The following CASZ1 variants were observed in gnomAD, a reference collection of about 807,000 sequenced individuals.
CASZ1 encodes zinc finger protein castor homolog 1.
In CASZ1, 28 loss-of-function variants were observed where a neutral mutation model predicts 135.2. The ratio of observed to expected loss-of-function variants is 0.21; its 90% CI spans 0.15 to 0.28. The LOEUF (loss-of-function observed/expected upper bound fraction) is 0.28, where lower values mean the gene tolerates loss of function less well. CASZ1 is among the 10% of genes least tolerant of loss of function. The pLI is 1.00. For synonymous variants in CASZ1, 1,068 were observed against 1,073.4 expected, an observed-to-expected ratio of 0.99 and a Z score of 0.10; for missense variants, 2,161 against 2,453.3, an observed-to-expected ratio of 0.88 and a Z score of 2.52.
chr1:10,639,086 G>C lies in CASZ1; in HGVS notation c.5136C>G (p.Asp1712Glu). Residue 1712 changes from aspartate to glutamate, a missense_variant, in exon 21 of 21, where the codon GAC becomes GAG. By Grantham distance (45) the Asp-to-Glu change is conservative. This residue lies in a region of CASZ1 where 185 missense variants were observed against 134.7 expected (regional missense o/e 1.37). Coordinates refer to ENST00000377022, the MANE Select transcript of CASZ1 (RefSeq NM_001079843.3). The surrounding 1 kb of genome is among the most constrained non-coding windows in gnomAD (Gnocchi z 4.0). ...DDEDDDEDDD[D>E]EDLRTDSEES... ...CCTCCGAGTCGGTGCGCAGGTCCTCGTCGTCGTCGTCCTCGTCGTCGTCCT... is the reference window on the plus strand; with the variant it reads ...CCTCCGAGTCGGTGCGCAGGTCCTCCTCGTCGTCGTCCTCGTCGTCGTCCT... 1.9e-6 allele frequency: 2 copies of C among 1,048,806 alleles called. No individual in the cohort carries two copies. Among genetic ancestry groups the C allele is most frequent in the South Asian group, 2.5e-5 (1 of 39,326 alleles). 65.0% of individuals were successfully genotyped at this position (1,048,806 alleles called of 1,614,324 possible). A position where few individuals can be genotyped will look rare whatever the true frequency, so the allele number is the denominator to read the frequency against.
At chr1:10,674,083 A>T (rs78994278) in intron 4 of CASZ1, among the ~76,000 whole-genome samples, 1,735 of 152,354 alleles carry the variant, frequency 0.011, 22 homozygotes, top group East Asian at 0.04. Context: ...AGGTATCCTG[A>T]GGTGCCTGTA....
At position 10,649,051 on chromosome 1, in the gene CASZ1, C is replaced by T; in HGVS notation, c.3158+19G>A. 10 of 1,610,046 alleles carry T rather than the reference C, an allele frequency of 6.2e-6. No individual in the cohort carries two copies. Among genetic ancestry groups the T allele is most frequent in the Non-Finnish European group, 8.5e-6 (10 of 1,178,496 alleles). ...GATCCGTGGGGCTCTGTGGAAATGG[C>T]CCCCAGCACCCTACTCACTTTGCGT... On this transcript the variant is annotated intron_variant, in intron 15 of 20. Transcript: ENST00000377022.
chr1:10,687,276 C>T (rs887494732), intron 4 of CASZ1, among the ~76,000 whole-genome samples: 1 of 152,230 alleles, frequency 6.6e-6, no homozygotes, highest in Non-Finnish European at 1.5e-5. Context: ...AACATGTGTC[C>T]GTTTCCCAGC....
rs1427695911 is a variant in CASZ1 at position 10,647,925 on chromosome 1, T to C, written c.3373A>G (p.Thr1125Ala). The C allele has an allele frequency of 1.2e-6, 2 of 1,611,620 alleles. No individual in the cohort carries two copies. The highest frequency in any genetic ancestry group is 2.7e-5 in the African/African-American group (2 of 74,350). ...TLLAWKQLAS[T>A]IPQMPQIPAS... ...GGGATCTGAGGCATCTGGGGTATGG[T>C]GGAAGCCAGCTGCTTCCAGGCGAGC... The change falls in exon 16 of 21, where the codon ACC (threonine) becomes GCC (alanine). Residue 1125 changes from threonine to alanine, a missense_variant. Coordinates refer to ENST00000377022, the MANE Select transcript of CASZ1 (RefSeq NM_001079843.3). This position sits in a 1 kb window ranked among gnomAD's most constrained non-coding sequence, Gnocchi z 4.9.
chr1:10,685,249 G>A (rs772819241), intron 4 of CASZ1, among the ~76,000 whole-genome samples: 1 of 152,222 alleles, frequency 6.6e-6, no homozygotes. Flanking sequence ...CCCTAGAGGG[G>A]AGTCTGGGGA....
rs1305589517 is a variant in CASZ1 at position 10,638,373 on chromosome 1, T to TG, written c.*568dup. On this transcript the variant is annotated 3_prime_UTR_variant, in exon 21 of 21. Transcript: ENST00000377022. This position sits in a 1 kb window ranked among gnomAD's most constrained non-coding sequence, Gnocchi z 5.9. The stretch of plus-strand genomic sequence containing the variant: ...CAGGCCTGGGGGAGCAGCCGGGCCC[T>TG]GGGGTGGGGCTGAGCTGGAGCTCCG... 6.6e-6 allele frequency: 1 copy of TG among 152,062 alleles called. No homozygotes were observed. The highest frequency in any genetic ancestry group is 1.5e-5 in the Non-Finnish European group (1 of 68,028). The allele number at this position is 152,062 out of a possible 1,614,324, so 9.4% of individuals were successfully genotyped here. A position where few individuals can be genotyped will look rare whatever the true frequency, so the allele number is the denominator to read the frequency against.
rs1186399085 is a variant in CASZ1 at position 10,741,585 on chromosome 1, T to C, written c.-77+19116A>G. Reference sequence around the variant, plus strand: ...AATACATTTGTTGGTGCCAAACCCCTGGTTTTATTATCCGGGAGAAAAACA... The same window carrying C: ...AATACATTTGTTGGTGCCAAACCCCCGGTTTTATTATCCGGGAGAAAAACA... On this transcript the variant is annotated intron_variant, in intron 2 of 20. Coordinates refer to ENST00000377022, the MANE Select transcript of CASZ1 (RefSeq NM_001079843.3). This position sits in a 1 kb window ranked among gnomAD's most constrained non-coding sequence, Gnocchi z 5.0. Among the ~76,000 whole-genome samples, 2 of 152,162 alleles carry C rather than the reference T, an allele frequency of 1.3e-5. No homozygotes were observed. Among genetic ancestry groups the C allele is most frequent in the African/African-American group, 4.8e-5 (2 of 41,438 alleles).
At chr1:10,663,833 C>T (rs923703657) in intron 5 of CASZ1, among the ~76,000 whole-genome samples, 7 of 152,206 alleles carry the variant, frequency 4.6e-5, no homozygotes, top group South Asian at 2.1e-4. Context: ...GTTCCAGGCC[C>T]GCCTCTGCCA....
intron 1 of CASZ1, among the ~76,000 whole-genome samples, chr1:10,784,241 G>T (rs1371689726): frequency 1.3e-5 from 2 of 152,170 alleles, no homozygotes; most frequent in Admixed American, 6.5e-5. Flanking sequence ...CACGACATCT[G>T]GGTGTGCCCC....
In CASZ1 at chr1:10,788,484, G is replaced by A. The variant is rs1003487490; in HGVS notation, c.-234+8080C>T. On this transcript the variant is annotated intron_variant, in intron 1 of 20. Coordinates refer to ENST00000377022, the MANE Select transcript of CASZ1 (RefSeq NM_001079843.3). This position sits in a 1 kb window ranked among gnomAD's most constrained non-coding sequence, Gnocchi z 4.1. The stretch of plus-strand genomic sequence containing the variant: ...TATAAGATCTGCGAAACCCCTCAAA[G>A]TATAAGCAACATTTATGCTTACGAG... 6.6e-6 allele frequency among the ~76,000 whole-genome samples: 1 copy of A among 152,216 alleles called. No individual in the cohort carries two copies. The highest frequency in any genetic ancestry group is 2.4e-5 in the African/African-American group (1 of 41,456).
In CASZ1 at chr1:10,693,930, A is replaced by G. The variant is rs1439713663; in HGVS notation, c.-23-18T>C. 14 of 1,611,544 alleles carry G rather than the reference A, an allele frequency of 8.7e-6. No individual in the cohort carries two copies. Among genetic ancestry groups the G allele is most frequent in the Non-Finnish European group, 1.2e-5 (14 of 1,178,440 alleles). On this transcript the variant is annotated intron_variant, in intron 3 of 20. Coordinates refer to ENST00000377022, the MANE Select transcript of CASZ1 (RefSeq NM_001079843.3). ...CCCAAACTCTTCGCAGAACGCCACC[A>G]GGGGAAGACCGGGAGAGAAGAAACA...
chr1:10,793,628 A>T (rs891952084), intron 1 of CASZ1, among the ~76,000 whole-genome samples: 2 of 151,386 alleles, frequency 1.3e-5, no homozygotes, highest in Non-Finnish European at 3.0e-5. Flanking sequence ...AGGAGGCATA[A>T]GATCGCTGGA....
chr1:10,712,544 G>C lies in CASZ1; in HGVS notation c.-76-7000C>G, dbSNP rs1008228614. 3.3e-5 allele frequency among the ~76,000 whole-genome samples: 5 copies of C among 152,108 alleles called. 1 individual carries two copies. Among genetic ancestry groups the C allele is most frequent in the Admixed American group, 1.3e-4 (2 of 15,272 alleles). On this transcript the variant is annotated intron_variant, in intron 2 of 20. Transcript: ENST00000377022. ...CAGGTGCTGGGGAAGCCAAGCCAGG[G>C]GGGTGGGTAGGTGAGACACGGTGAC...
At chr1:10,692,413 C>T (rs1211335322) in intron 4 of CASZ1, among the ~76,000 whole-genome samples, 2 of 151,138 alleles carry the variant, frequency 1.3e-5, no homozygotes, top group African/African-American at 4.9e-5. Context: ...GCCCCATTTC[C>T]GAAGAAAGGG....
At position 10,644,909 on chromosome 1, in the gene CASZ1, C is replaced by G. The variant is rs768361279; in HGVS notation, c.3868+8G>C. 5.6e-6 allele frequency: 9 copies of G among 1,610,546 alleles called. No homozygotes were observed. In the East Asian group the frequency reaches 2.0e-4, roughly 36 times the overall value. On this transcript the variant is annotated splice_region_variant and intron_variant, in intron 18 of 20. Coordinates refer to ENST00000377022, the MANE Select transcript of CASZ1 (RefSeq NM_001079843.3). ...CAAGTCCCTGCCCGCAGCCCCAGCC[C>G]TCGGTACCTAGCCTGCCACACTCCT...
At chr1:10,669,279 A>AGCC (rs1643333019) in intron 4 of CASZ1, among the ~76,000 whole-genome samples, 1 of 152,168 alleles carries the variant, frequency 6.6e-6, no homozygotes, top group East Asian at 1.9e-4. Flanking sequence ...AGGGCCCCTA[A>AGCC]GCCGGCCCTA....
Position 10,638,803 on chromosome 1 carries a change from C to T in CASZ1, c.*139G>A. 1.2e-6 allele frequency: 1 copy of T among 867,844 alleles called. No homozygotes were observed. The highest frequency in any genetic ancestry group is 1.4e-6 in the Non-Finnish European group (1 of 723,062). The allele number at this position is 867,844 out of a possible 1,614,324, so 53.8% of individuals were successfully genotyped here. On this transcript the variant is annotated 3_prime_UTR_variant, in exon 21 of 21. Transcript: ENST00000377022. The surrounding 1 kb of genome is among the most constrained non-coding windows in gnomAD (Gnocchi z 5.9). The stretch of plus-strand genomic sequence containing the variant: ...CGGCCGCGGAGCACCAGAGGGGTCC[C>T]CGCCTCTGTCCTGAGACGGACTCGG...
intron 7 of CASZ1, chr1:10,658,297 G>A: frequency 1.8e-6 from 1 of 556,762 alleles, no homozygotes. Context: ...CTGAGGGAAT[G>A]TGTGGCCTGG....
chr1:10,732,689 C>T (rs1389177675), intron 2 of CASZ1, among the ~76,000 whole-genome samples: 1 of 152,178 alleles, frequency 6.6e-6, no homozygotes, highest in Non-Finnish European at 1.5e-5. Flanking sequence ...AAAAGAATCA[C>T]CCGGGGAGGT....
Sources: gnomAD v4.1 joint callset for allele counts (sites outside exome capture counted in the v4.1 genomes callset) on GRCh38, gnomAD v4.1.1 for gene constraint, gnomAD v4.1.1 regional missense constraint, Gnocchi (gnomAD v3.1) non-coding constraint, MANE v1.5 for transcripts, NCBI Gene and HGNC (gene_info 2026-07-23, HGNC 2026-07-21) for gene names.